The following PHF12 variants were observed in gnomAD, a reference collection of about 807,000 sequenced individuals.
PHF12 encodes PHD finger protein 12, also known as PHD factor 1.
A neutral mutation model predicts 99.8 loss-of-function variants in PHF12; 6 were observed. That is an observed-to-expected ratio of 0.06 (90% CI 0.03 to 0.12). PHF12 has a LOEUF of 0.12. Ranked by LOEUF, PHF12 falls within the 10% of genes least tolerant of loss-of-function variation. The pLI, the probability that PHF12 is intolerant of heterozygous loss-of-function variation, is 1.00. For missense variants in PHF12, 954 were observed against 1,300.1 expected, an observed-to-expected ratio of 0.73 and a Z score of 4.09; for synonymous variants, 480 against 514.9, an observed-to-expected ratio of 0.93 and a Z score of 0.92.
At chr17:28,926,009 T>TG (rs1394805002) in intron 3 of PHF12, 1 of 152,244 alleles carries the variant, frequency 6.6e-6, no homozygotes, top group African/African-American at 2.4e-5. Context: ...GAAAGGATCT[T>TG]GGAAGGTGGA....
chr17:28,906,506 G>A lies in PHF12; in HGVS notation c.2692C>T (p.His898Tyr). The change falls in exon 15 of 15, where the codon CAC (histidine) becomes TAC (tyrosine). Residue 898 changes from histidine (H) to tyrosine (Y), a missense_variant. By Grantham distance (83) the His-to-Tyr change is moderately conservative. Around this residue, in one of 8 missense-constraint regions of PHF12, gnomAD observed 136 missense variants for 172.3 expected, o/e 0.79. Transcript: ENST00000332830. The surrounding 1 kb of genome is among the most constrained non-coding windows in gnomAD (Gnocchi z 4.2). ...KVQSVIRRRR[H>Y]QKQDEEPSEE... ...CTTGGCTCTTCGTCCTGTTTCTGGT[G>A]CCGGCGGCGCCCTGGGAAAAAGGGG... The A allele has an allele frequency of 1.3e-6, 2 of 1,599,228 alleles. No homozygotes were observed. The highest frequency in any genetic ancestry group is 1.7e-6 in the Non-Finnish European group (2 of 1,169,060).
intron 9 of PHF12, among the ~76,000 whole-genome samples, chr17:28,911,557 G>A (rs1375239929): frequency 2.0e-5 from 3 of 152,186 alleles, no homozygotes; most frequent in African/African-American, 7.2e-5. Flanking sequence ...AATAAGTAGT[G>A]CCTGCCCTTA....
At chr17:28,918,331 G>A (rs1193049133) in intron 6 of PHF12, among the ~76,000 whole-genome samples, 2 of 152,126 alleles carry the variant, frequency 1.3e-5, no homozygotes, top group Admixed American at 1.3e-4. Flanking sequence ...ACAAGACTAG[G>A]AGAGAAACAA....
rs1003512926 is a variant in PHF12 at position 28,913,999 on chromosome 17, G to T, written c.1173C>A (p.Pro391=). The change falls in exon 8 of 15, where the codon CCC becomes CCA. Residue 391 remains proline, a synonymous_variant. Coordinates refer to ENST00000332830, the MANE Select transcript of PHF12 (RefSeq NM_001033561.2). The part of the protein sequence containing the change: ...DAIKSQYQFP[P]PLIAPAAIRD... ...GAATGGCCGCGGGTGCAATGAGAGG[G>T]GGTGGAAACTGGTACTGAGATTTTA... 3.1e-6 allele frequency: 5 copies of T among 1,613,290 alleles called. No individual in the cohort carries two copies. The African/African-American group carries it at 6.7e-5, about 22-fold the overall frequency.
intron 2 of PHF12, among the ~76,000 whole-genome samples, chr17:28,929,227 G>A (rs1233301059): frequency 2.8e-4 from 42 of 148,728 alleles, no homozygotes; most frequent in Non-Finnish European, 5.6e-4. Flanking sequence ...GGGGGAAATG[G>A]TAAAAAAAAA....
At chr17:28,913,303 G>T (rs1200294741) in intron 8 of PHF12, 26 bp from the exon 9 acceptor site, 14 of 1,574,236 alleles carry the variant, frequency 8.9e-6, no homozygotes, top group Non-Finnish European at 1.1e-5. Flanking sequence ...AGGAGAGGGG[G>T]GTGAGAAGCC....
chr17:28,932,904 T>C (rs2040439717), intron 2 of PHF12, among the ~76,000 whole-genome samples: 1 of 151,882 alleles, frequency 6.6e-6, no homozygotes, highest in African/African-American at 2.4e-5. Context: ...CGAGACCGCA[T>C]CACTGCACTC....
At chr17:28,926,903 T>C in intron 3 of PHF12, 88 bp downstream of exon 3, 1 of 1,604,138 alleles carries the variant, frequency 6.2e-7, no homozygotes, top group Non-Finnish European at 8.5e-7. Flanking sequence ...GGGACAAGAA[T>C]GCCTTCAGGG....
Position 28,943,636 on chromosome 17 carries a change from TAAAC to T in PHF12, c.248+6425_248+6428del, listed in dbSNP as rs34269306. Among the ~76,000 whole-genome samples the T allele has an allele frequency of 7.9e-3, 1,192 of 151,522 alleles. 11 individuals are homozygous for T. Among genetic ancestry groups the T allele is most frequent in the Admixed American group, 0.031 (478 of 15,178 alleles). On this transcript the variant is annotated intron_variant, in intron 2 of 14. Coordinates refer to ENST00000332830, the MANE Select transcript of PHF12 (RefSeq NM_001033561.2). ...CGAAGCTAGACTCTGTCTCAAAAAA[TAAAC>T]AAACAAACAAACAAACAAAACCAAA...
Position 28,924,244 on chromosome 17 carries a change from T to C in PHF12, c.380A>G (p.Lys127Arg). 1 of 1,614,206 alleles carries C rather than the reference T, an allele frequency of 6.2e-7. No individual in the cohort carries two copies. Among genetic ancestry groups the C allele is most frequent in the Non-Finnish European group, 8.5e-7 (1 of 1,180,034 alleles). ...GTCACTGCTGGGGGATGTAGTCCGTTTGCCAGATTTGTCCACCAGTCCATT... is the reference window on the plus strand; with the variant it reads ...GTCACTGCTGGGGGATGTAGTCCGTCTGCCAGATTTGTCCACCAGTCCATT... ...HVNGLVDKSG[K>R]RTTSPSSDTD... Residue 127 changes from lysine to arginine, a missense_variant, in exon 4 of 15, where the codon AAA becomes AGA. Lys to Arg is a conservative substitution (Grantham distance 26). Coordinates refer to ENST00000332830, the MANE Select transcript of PHF12 (RefSeq NM_001033561.2).
intron 4 of PHF12, among the ~76,000 whole-genome samples, chr17:28,922,853 C>T (rs552871984): frequency 3.9e-5 from 6 of 151,984 alleles, no homozygotes; most frequent in South Asian, 2.1e-4. Flanking sequence ...TCCTCTGAGG[C>T]GGGAGGATCG....
chr17:28,933,675 C>G (rs928637776), intron 2 of PHF12, among the ~76,000 whole-genome samples: 1 of 152,092 alleles, frequency 6.6e-6, no homozygotes, highest in African/African-American at 2.4e-5. Context: ...TTATTGAGTA[C>G]CCATGACTTT....
intron 11 of PHF12, 46 bp from the exon 12 acceptor site, chr17:28,908,927 T>G (rs1439388772): frequency 6.4e-7 from 1 of 1,554,990 alleles, no homozygotes; most frequent in Admixed American, 1.8e-5. Context: ...ACTCAGATCC[T>G]GTGATCCAAA....
chr17:28,930,319 C>A (rs2040372092), intron 2 of PHF12, among the ~76,000 whole-genome samples: 1 of 152,234 alleles, frequency 6.6e-6, no homozygotes, highest in Non-Finnish European at 1.5e-5. Context: ...TGTATTCAAA[C>A]CATTACATGT....
Position 28,949,813 on chromosome 17 carries a change from C to T in PHF12, c.248+252G>A, listed in dbSNP as rs1392057524. 1 of 394,246 alleles carries T rather than the reference C, an allele frequency of 2.5e-6. No individual in the cohort carries two copies. The highest frequency in any genetic ancestry group is 4.5e-6 in the Non-Finnish European group (1 of 221,142). The allele number at this position is 394,246 out of a possible 1,614,324, so 24.4% of individuals were successfully genotyped here. ...CTCTGTCCCGGCTCCCCAGCGACTT[C>T]CAATCCCATATGGGGTTCTCTTCAC... On this transcript the variant is annotated intron_variant, in intron 2 of 14. Coordinates refer to ENST00000332830, the MANE Select transcript of PHF12 (RefSeq NM_001033561.2). The surrounding 1 kb of genome is among the most constrained non-coding windows in gnomAD (Gnocchi z 4.6).
chr17:28,913,559 C>G (rs1405606095), intron 8 of PHF12, among the ~76,000 whole-genome samples: 4 of 152,218 alleles, frequency 2.6e-5, no homozygotes, highest in Admixed American at 6.5e-5. Context: ...TCAGCAATTA[C>G]CCCGAGCACC....
In PHF12 at chr17:28,906,178, C is replaced by T. The variant is rs1269219114; in HGVS notation, c.*5G>A. ...TACAGGCCAGTGGCGGGGTAGCCGC[C>T]AGTCCTAAGGAACAGAGTTGGAGCG... is the stretch of plus-strand genomic sequence containing the variant. On this transcript the variant is annotated 3_prime_UTR_variant, in exon 15 of 15. Transcript: ENST00000332830. The surrounding 1 kb of genome is among the most constrained non-coding windows in gnomAD (Gnocchi z 4.2). 6.4e-7 allele frequency: 1 copy of T among 1,563,688 alleles called. No homozygotes were observed. Among genetic ancestry groups the T allele is most frequent in the South Asian group, 1.2e-5 (1 of 85,250 alleles).
At chr17:28,916,188 G>A (rs986790432) in intron 7 of PHF12, among the ~76,000 whole-genome samples, 2 of 152,206 alleles carry the variant, frequency 1.3e-5, no homozygotes, top group Admixed American at 6.5e-5. Flanking sequence ...GGTGATGGCA[G>A]TGGTGTGACT....
chr17:28,924,432 G>A (rs1444023367), intron 3 of PHF12, 130 bp from the exon 4 acceptor site: 3 of 1,260,244 alleles, frequency 2.4e-6, no homozygotes, highest in African/African-American at 2.9e-5. Flanking sequence ...CATCTACCTG[G>A]TCACTTGGAA....
Sources: gnomAD v4.1 joint callset for allele counts (sites outside exome capture counted in the v4.1 genomes callset) on GRCh38, gnomAD v4.1.1 for gene constraint, gnomAD v4.1.1 regional missense constraint, Gnocchi (gnomAD v3.1) non-coding constraint, MANE v1.5 for transcripts, NCBI Gene and HGNC (gene_info 2026-07-23, HGNC 2026-07-21) for gene names.